Variants in STYXL2 observed in about 807,000 individuals in gnomAD.
The protein encoded by STYXL2 is serine/threonine/tyrosine-interacting-like protein 2.
A neutral mutation model predicts 52.4 loss-of-function variants in STYXL2; 44 were observed. The observed-to-expected ratio is 0.84, with a 90% confidence interval of 0.66 to 1.08. The LOEUF is 1.08. STYXL2 is among the 50% of genes least tolerant of loss of function. STYXL2 has a pLI of 0.00. For synonymous variants in STYXL2, 604 were observed against 586.9 expected, an observed-to-expected ratio of 1.03 and a Z score of -0.42; for missense variants, 1,604 against 1,471.7, an observed-to-expected ratio of 1.09 and a Z score of -1.47.
chr1:167,104,251 C>A (rs1438261221), intron 2 of STYXL2, among the ~76,000 whole-genome samples: 2 of 149,436 alleles, frequency 1.3e-5, no homozygotes, highest in Non-Finnish European at 3.0e-5. Flanking sequence ...GCATTTTTAT[C>A]ATTCTCTTGT....
rs1667802437 is a variant in STYXL2, at chr1:167,119,467, G to A, written c.655+1G>A. On this transcript the variant is annotated splice_donor_variant, in intron 5 of 5. Coordinates refer to ENST00000361200, the MANE Select transcript of STYXL2 (RefSeq NM_001080426.3). LOFTEE classifies it high-confidence loss of function. The stretch of plus-strand genomic sequence containing the variant: ...GATGAGGCGCTGCTGACTTACAGAG[G>A]TGAGAGGGATCTGCCGCTCCAGGCT... 1 of 1,613,662 alleles carries A rather than the reference G, an allele frequency of 6.2e-7. No individual in the cohort carries two copies. The highest frequency in any genetic ancestry group is 8.5e-7 in the Non-Finnish European group (1 of 1,179,800).
In STYXL2 at chr1:167,127,519, G is replaced by A; in HGVS notation, c.2388G>A (p.Gln796=). The change falls in exon 6 of 6, where the codon CAG becomes CAA. Residue 796 remains glutamine, a synonymous_variant. Coordinates refer to ENST00000361200, the MANE Select transcript of STYXL2 (RefSeq NM_001080426.3). ...AGGCAAGACCCAGCTCTGACATGCA[G>A]TCTGTGCTGTCCTGCAACACCACAC... ...QSQARPSSDM[Q]SVLSCNTTLS... 1 of 1,614,130 alleles carries A rather than the reference G, an allele frequency of 6.2e-7. No homozygotes were observed. The highest frequency in any genetic ancestry group is 1.1e-5 in the South Asian group (1 of 91,072).
At chr1:167,098,462 T>C (rs1451392085) in intron 2 of STYXL2, among the ~76,000 whole-genome samples, 1 of 152,120 alleles carries the variant, frequency 6.6e-6, no homozygotes, top group East Asian at 1.9e-4. Context: ...GGTGTGAAAG[T>C]GAGGCCCTGT....
At chr1:167,115,517 T>C (rs1326995809) in intron 3 of STYXL2, among the ~76,000 whole-genome samples, 1 of 151,922 alleles carries the variant, frequency 6.6e-6, no homozygotes, top group Non-Finnish European at 1.5e-5. Context: ...GTTTTTAAAT[T>C]GAAAAGAAAA....
intron 2 of STYXL2, among the ~76,000 whole-genome samples, chr1:167,103,924 A>G (rs1298662406): frequency 2.0e-5 from 3 of 152,138 alleles, no homozygotes; most frequent in Non-Finnish European, 4.4e-5. Flanking sequence ...GATCGAGACC[A>G]TCCTGGCTAA....
In STYXL2 at chr1:167,128,541, T is replaced by C; in HGVS notation, c.3410T>C (p.Ile1137Thr). ...EEEEEMDDEA[I>T]IAAWRRRQEE... Reference sequence around the variant, plus strand: ...GAGGAAGAAATGGACGATGAAGCCATCATTGCTGCTTGGAGACGCCGGCAA... The same window carrying C: ...GAGGAAGAAATGGACGATGAAGCCACCATTGCTGCTTGGAGACGCCGGCAA... The change falls in exon 6 of 6, where the codon ATC (isoleucine) becomes ACC (threonine). Residue 1137 changes from isoleucine (I) to threonine (T), a missense_variant. By Grantham distance (89) the Ile-to-Thr change is moderately conservative (BLOSUM62 -1). Transcript: ENST00000361200. 1 of 1,613,782 alleles carries C rather than the reference T, an allele frequency of 6.2e-7. No individual in the cohort carries two copies. The highest frequency in any genetic ancestry group is 8.5e-7 in the Non-Finnish European group (1 of 1,180,000).
rs762325833 is a variant in STYXL2, at chr1:167,127,114, G to C, written c.1983G>C (p.Ala661=). The C allele has an allele frequency of 6.8e-6, 11 of 1,614,018 alleles. No individual in the cohort carries two copies. The highest frequency in any genetic ancestry group is 1.6e-4 in the Middle Eastern group (1 of 6,062). Reference sequence around the variant, plus strand: ...CCAGCGGGAGCATTCCCCTGTCTGCGTTCTGGTCTGCAGACCCCTCAGTCA... The same window carrying C: ...CCAGCGGGAGCATTCCCCTGTCTGCCTTCTGGTCTGCAGACCCCTCAGTCA... ...STASGSIPLS[A]FWSADPSVSA... The change falls in exon 6 of 6, where the codon GCG becomes GCC. Residue 661 remains alanine, a synonymous_variant. Transcript: ENST00000361200.
At chr1:167,103,194 G>A (rs1196777170) in intron 2 of STYXL2, among the ~76,000 whole-genome samples, 1 of 152,184 alleles carries the variant, frequency 6.6e-6, no homozygotes, top group African/African-American at 2.4e-5. Context: ...TGGCTTTAGA[G>A]TCCATCCTAA....
chr1:167,126,791 T>C lies in STYXL2; in HGVS notation c.1660T>C (p.Phe554Leu), dbSNP rs1667980279. 1.9e-6 allele frequency: 3 copies of C among 1,613,946 alleles called. No homozygotes were observed. In the African/African-American group the frequency reaches 4.0e-5, roughly 22 times the overall value. The change falls in exon 6 of 6, where the codon TTT becomes CTT. Residue 554 changes from phenylalanine (F) to leucine (L), a missense_variant. By Grantham distance (22) the Phe-to-Leu change is conservative (BLOSUM62 0). Coordinates refer to ENST00000361200, the MANE Select transcript of STYXL2 (RefSeq NM_001080426.3). ...AAGATGGAAGATCAAGAGAATCCAA[T>C]TTGGATTTCACAAGAAAGACTTGGG... ...LERWKIKRIQ[F>L]GFHKKDLGAG... is the part of the protein sequence containing the mutation.
In STYXL2 at chr1:167,112,278, G is replaced by A. The variant is rs180936205; in HGVS notation, c.111-1432G>A. Among the ~76,000 whole-genome samples the A allele has an allele frequency of 2.8e-4, 43 of 152,262 alleles. 1 individual carries two copies. In the East Asian group the frequency reaches 7.2e-3, roughly 25 times the overall value. On this transcript the variant is annotated intron_variant, in intron 2 of 5. Coordinates refer to ENST00000361200, the MANE Select transcript of STYXL2 (RefSeq NM_001080426.3). Reference sequence around the variant, plus strand: ...CTAGGCAGGTCTGGCCATGTCCTGGGTAGAGTCCCAGGCTACTTCTTTCTC... The same window carrying A: ...CTAGGCAGGTCTGGCCATGTCCTGGATAGAGTCCCAGGCTACTTCTTTCTC...
intron 2 of STYXL2, among the ~76,000 whole-genome samples, chr1:167,101,267 A>G (rs1352226599): frequency 2.6e-5 from 4 of 152,186 alleles, no homozygotes; most frequent in African/African-American, 9.7e-5. Context: ...AATCAAAACC[A>G]CAGTGAGTTA....
chr1:167,117,685 C>A, intron 4 of STYXL2, 126 bp downstream of exon 4: 1 of 803,620 alleles, frequency 1.2e-6, no homozygotes, highest in Non-Finnish European at 2.0e-6. Flanking sequence ...GGCTGCCTAG[C>A]CACTTACCCT....
intron 2 of STYXL2, among the ~76,000 whole-genome samples, chr1:167,102,304 A>AT (rs1553247015): frequency 0.17 from 25,592 of 150,258 alleles, 2,390 homozygotes; most frequent in Middle Eastern, 0.23. Context: ...GTTTTTTAAA[A>AT]ATATATATAT....
At chr1:167,106,804 C>T (rs528789899) in intron 2 of STYXL2, among the ~76,000 whole-genome samples, 25 of 152,296 alleles carry the variant, frequency 1.6e-4, no homozygotes, top group Middle Eastern at 3.4e-3. Context: ...CCATCTGTAA[C>T]ATATTTGCCT....
intron 5 of STYXL2, among the ~76,000 whole-genome samples, chr1:167,120,791 T>G (rs1237734425): frequency 7.5e-6 from 1 of 133,070 alleles, no homozygotes; most frequent in East Asian, 2.0e-4. Context: ...CAAATACACA[T>G]ATTTTAAATA....
At chr1:167,120,044 A>C (rs12062066) in intron 5 of STYXL2, among the ~76,000 whole-genome samples, 45,811 of 152,204 alleles carry the variant, frequency 0.3, 7,666 homozygotes, top group East Asian at 0.72. Flanking sequence ...TTCCCCATCA[A>C]ACAGGAAGCT....
chr1:167,119,427 G>T lies in STYXL2; in HGVS notation c.616G>T (p.Ala206Ser). 6.2e-7 allele frequency: 1 copy of T among 1,614,242 alleles called. No homozygotes were observed. The highest frequency in any genetic ancestry group is 8.5e-7 in the Non-Finnish European group (1 of 1,180,044). ...GGACATTTCCCAGCATTTCCGGAAG[G>T]CGTCTGAGTTCCTGGATGAGGCGCT... is the stretch of plus-strand genomic sequence containing the variant. Reference protein sequence around the residue: ...EVDISQHFRKASEFLDEALLT... With the variant: ...EVDISQHFRKSSEFLDEALLT... Residue 206 changes from alanine to serine, a missense_variant, in exon 5 of 6, where the codon GCG becomes TCG. Coordinates refer to ENST00000361200, the MANE Select transcript of STYXL2 (RefSeq NM_001080426.3).
chr1:167,108,705 G>A (rs1311144392), intron 2 of STYXL2, among the ~76,000 whole-genome samples: 5 of 152,206 alleles, frequency 3.3e-5, no homozygotes, highest in Non-Finnish European at 7.3e-5. Context: ...GAACAGAACA[G>A]CATATAGAGA....
chr1:167,119,576 A>G, intron 5 of STYXL2, 110 bp downstream of exon 5: 1 of 879,286 alleles, frequency 1.1e-6, no homozygotes, highest in Non-Finnish European at 1.8e-6. Context: ...ATCTGTCTTA[A>G]GAAGGCTGTT....
Sources: gnomAD v4.1 joint callset for allele counts (sites outside exome capture counted in the v4.1 genomes callset) on GRCh38, gnomAD v4.1.1 for gene constraint, MANE v1.5 for transcripts, NCBI Gene and HGNC (gene_info 2026-07-23, HGNC 2026-07-21) for gene names.